Variants in CEP83 observed in about 807,000 individuals in gnomAD.
The protein encoded by CEP83 is centrosomal protein of 83 kDa.
CEP83 carries 70 observed loss-of-function variants against 101.9 expected under a neutral mutation model. That is an observed-to-expected ratio of 0.69 (90% CI 0.57 to 0.84). The LOEUF is 0.84. CEP83 is among the 40% of genes least tolerant of loss of function. The pLI, the probability that CEP83 is intolerant of heterozygous loss-of-function variation, is 0.00. For synonymous variants in CEP83, 264 were observed against 267.9 expected (o/e 0.99, Z 0.14); for missense variants, 715 against 787.2 (o/e 0.91, Z 1.10).
chr12:94,362,318 T>C (rs2060805599), intron 11 of CEP83, among the ~76,000 whole-genome samples: 1 of 151,994 alleles, frequency 6.6e-6, no homozygotes, highest in African/African-American at 2.4e-5. Flanking sequence ...ATGGAAGCTC[T>C]ACAAAAAAAA....
At chr12:94,368,975 T>C (rs1050130375) in intron 9 of CEP83, 3 of 152,034 alleles carry the variant, frequency 2.0e-5, no homozygotes, top group Non-Finnish European at 4.4e-5. Flanking sequence ...GGCAACATGG[T>C]GAGACCCCAT....
At chr12:94,346,558 A>T (rs1377699665) in intron 11 of CEP83, among the ~76,000 whole-genome samples, 1 of 152,236 alleles carries the variant, frequency 6.6e-6, no homozygotes, top group East Asian at 1.9e-4. Flanking sequence ...GGAAACCCCA[A>T]CTTAAAAACC....
chr12:94,396,344 G>A (rs1310296321), intron 6 of CEP83, among the ~76,000 whole-genome samples: 5 of 142,694 alleles, frequency 3.5e-5, no homozygotes, highest in South Asian at 2.2e-4. Flanking sequence ...GCTGGAGTGC[G>A]GTGGCACAAT....
rs1225207586 is a variant in CEP83 at position 94,435,260 on chromosome 12, G to A, written c.-102+15C>T. On this transcript the variant is annotated intron_variant, in intron 2 of 16. Coordinates refer to ENST00000397809, the MANE Select transcript of CEP83 (RefSeq NM_016122.3). The stretch of plus-strand genomic sequence containing the variant: ...GCATTTGAGAAAAAAGCAGAAGCAA[G>A]AAGGTTTATCTCACCTTCCTCTAAA... 6.6e-6 allele frequency: 1 copy of A among 152,190 alleles called. No homozygotes were observed. Among genetic ancestry groups the A allele is most frequent in the East Asian group, 1.9e-4 (1 of 5,198 alleles). The allele number at this position is 152,190 out of a possible 1,614,324, so 9.4% of individuals were successfully genotyped here.
chr12:94,431,805 G>A (rs1275452681), intron 2 of CEP83, among the ~76,000 whole-genome samples: 2 of 152,110 alleles, frequency 1.3e-5, no homozygotes, highest in East Asian at 1.9e-4. Flanking sequence ...AGGATGTGGA[G>A]AAAAAGGGAA....
At chr12:94,374,331 C>T (rs1357210380) in intron 8 of CEP83, among the ~76,000 whole-genome samples, 4 of 152,168 alleles carry the variant, frequency 2.6e-5, no homozygotes, top group Non-Finnish European at 4.4e-5. Flanking sequence ...ATTGCGACAT[C>T]TGTGGTTCCA....
At chr12:94,393,426 A>G (rs2062687347) in intron 6 of CEP83, among the ~76,000 whole-genome samples, 1 of 152,190 alleles carries the variant, frequency 6.6e-6, no homozygotes, top group East Asian at 1.9e-4. Context: ...AATTCAACAG[A>G]ACTTCATGCT....
intron 6 of CEP83, among the ~76,000 whole-genome samples, chr12:94,396,163 T>C (rs951882703): frequency 2.6e-5 from 4 of 151,648 alleles, no homozygotes; most frequent in Non-Finnish European, 5.9e-5. Context: ...TGAGTCCTAA[T>C]ATAATAAAAA....
intron 11 of CEP83, among the ~76,000 whole-genome samples, chr12:94,357,081 C>T (rs2060512621): frequency 6.6e-6 from 1 of 152,192 alleles, no homozygotes; most frequent in African/African-American, 2.4e-5. Context: ...TTACAGGAGT[C>T]TCTTAAAAAG....
At chr12:94,357,640 G>T (rs1340767801) in intron 11 of CEP83, among the ~76,000 whole-genome samples, 1 of 152,206 alleles carries the variant, frequency 6.6e-6, no homozygotes, top group Non-Finnish European at 1.5e-5. Flanking sequence ...CTGCACAAAA[G>T]CTGTGAGCCT....
chr12:94,308,770 T>G lies in CEP83; in HGVS notation c.*43A>C, dbSNP rs1283193092. 7.6e-7 allele frequency: 1 copy of G among 1,313,376 alleles called. No homozygotes were observed. Among genetic ancestry groups the G allele is most frequent in the Admixed American group, 1.7e-5 (1 of 58,566 alleles). 81.4% of individuals were successfully genotyped at this position (1,313,376 alleles called of 1,614,324 possible). A position where few individuals can be genotyped will look rare whatever the true frequency, so the allele number is the denominator to read the frequency against. ...GGTTAAAATGTCAAGTTTTACTGAG[T>G]CACCAACTTCACCTCTTTTGATCTG... is the stretch of plus-strand genomic sequence containing the variant. On this transcript the variant is annotated 3_prime_UTR_variant, in exon 17 of 17. Coordinates refer to ENST00000397809, the MANE Select transcript of CEP83 (RefSeq NM_016122.3).
chr12:94,304,189 G>T, downstream of CEP83: 1 of 614,428 alleles, frequency 1.6e-6, no homozygotes, highest in Non-Finnish European at 2.9e-6. Context: ...TGAGATGGGG[G>T]ATCCTGGCAC....
At chr12:94,350,192 C>T (rs1387447516) in intron 11 of CEP83, among the ~76,000 whole-genome samples, 2 of 151,974 alleles carry the variant, frequency 1.3e-5, no homozygotes, top group African/African-American at 4.8e-5. Context: ...ATGAAATAAT[C>T]CTGAAGAACA....
At chr12:94,266,573 G>T in the CEP83 span, among the ~76,000 whole-genome samples, 1 of 152,188 alleles carries the variant, frequency 6.6e-6, no homozygotes, top group Non-Finnish European at 1.5e-5. Flanking sequence ...GATGCTGCGG[G>T]TGCTGCTTAA....
intron 15 of CEP83, among the ~76,000 whole-genome samples, chr12:94,312,237 A>C (rs1969975874): frequency 6.6e-6 from 1 of 152,202 alleles, no homozygotes; most frequent in African/African-American, 2.4e-5. Flanking sequence ...ATGTTCTTTA[A>C]AAAACAATTG....
the CEP83 span, among the ~76,000 whole-genome samples, chr12:94,266,946 C>T: frequency 6.6e-6 from 1 of 152,158 alleles, no homozygotes; most frequent in Non-Finnish European, 1.5e-5. Flanking sequence ...GGGGAGGGAG[C>T]CCAGGCGTGG....
At chr12:94,317,773 T>C (rs955073067) in intron 14 of CEP83, among the ~76,000 whole-genome samples, 3 of 152,204 alleles carry the variant, frequency 2.0e-5, no homozygotes, top group African/African-American at 7.2e-5. Flanking sequence ...CATTGATTTA[T>C]GTGTTTGTTT....
intron 11 of CEP83, among the ~76,000 whole-genome samples, chr12:94,336,563 C>T (rs1393486859): frequency 6.6e-6 from 1 of 152,124 alleles, no homozygotes; most frequent in African/African-American, 2.4e-5. Flanking sequence ...CGAACCAACC[C>T]AAATCATGGA....
At chr12:94,286,616 C>CAAAAAAAAA in the CEP83 span, among the ~76,000 whole-genome samples, 1 of 101,374 alleles carries the variant, frequency 9.9e-6, no homozygotes. Context: ...TGCTTAAAAG[C>CAAAAAAAAA]AAAAAAAAAA....
Sources: gnomAD v4.1 joint callset for allele counts (sites outside exome capture counted in the v4.1 genomes callset) on GRCh38, gnomAD v4.1.1 for gene constraint, MANE v1.5 for transcripts, NCBI Gene and HGNC (gene_info 2026-07-23, HGNC 2026-07-21) for gene names.